The following PRIM2 variants were observed in gnomAD, a reference collection of about 807,000 sequenced individuals.
PRIM2 encodes the protein DNA primase subunit 2, also known as DNA primase large subunit.
A neutral mutation model predicts 67.3 loss-of-function variants in PRIM2; 39 were observed. That is an observed-to-expected ratio of 0.58 (90% CI 0.45 to 0.76). The LOEUF is 0.76. PRIM2 is among the 30% of genes least tolerant of loss of function. The probability of loss-of-function intolerance (pLI) is 0.00; values close to 1 mark genes in which losing one functional copy is unlikely to be tolerated. For missense variants in PRIM2, 398 were observed against 598.7 expected, an observed-to-expected ratio of 0.66 and a Z score of 3.50; for synonymous variants, 143 against 198.7, an observed-to-expected ratio of 0.72 and a Z score of 2.36.
At chr6:57,272,789 G>A in the PRIM2 span, among the ~76,000 whole-genome samples, 4 of 152,146 alleles carry the variant, frequency 2.6e-5, 1 homozygote, top group Admixed American at 1.3e-4. Flanking sequence ...CATGTTTAGT[G>A]CTTCCTTCAG....
At chr6:57,467,876 A>T (rs1355553062) in intron 7 of PRIM2, among the ~76,000 whole-genome samples, 1 of 152,102 alleles carries the variant, frequency 6.6e-6, no homozygotes, top group African/African-American at 2.4e-5. Flanking sequence ...TAGGTATTTA[A>T]TTCTCTTTGT....
In PRIM2 at chr6:57,472,323, G is replaced by C. The variant is rs1309555529; in HGVS notation, c.694-35064G>C. Among the ~76,000 whole-genome samples, 6 of 151,898 alleles carry C rather than the reference G, an allele frequency of 4.0e-5. No homozygotes were observed. In the East Asian group the frequency reaches 1.2e-3, roughly 29 times the overall value. Reference sequence around the variant, plus strand: ...TGGGCTCCTGTAATACCAGCTACTCGGGAGGCTGAGGCAGGAGAATCGCTT... The same window carrying C: ...TGGGCTCCTGTAATACCAGCTACTCCGGAGGCTGAGGCAGGAGAATCGCTT... On this transcript the variant is annotated intron_variant, in intron 7 of 13. Transcript: ENST00000615550.
intron 13 of PRIM2, among the ~76,000 whole-genome samples, chr6:57,643,785 A>G (rs1777288130): frequency 1.3e-5 from 2 of 152,228 alleles, no homozygotes; most frequent in Admixed American, 1.3e-4. Flanking sequence ...AAAGATAAAA[A>G]TTTGTTCTTA....
Position 57,593,026 on chromosome 6 carries a change from G to C in PRIM2, c.1021-8067G>C, listed in dbSNP as rs1406191501. ...GAAAGAGGCTCTGAGAACAGGGTTG[G>C]AACTGGATAAAGGTGTGCCTGCTTT... On this transcript the variant is annotated intron_variant, in intron 10 of 13. Coordinates refer to ENST00000615550, the MANE Select transcript of PRIM2 (RefSeq NM_000947.5). Among the ~76,000 whole-genome samples the C allele has an allele frequency of 7.3e-3, 1,115 of 152,234 alleles. 14 individuals are homozygous for C. The highest frequency in any genetic ancestry group is 0.026 in the African/African-American group (1,062 of 41,532).
At chr6:57,610,623 G>A (rs1776650860) in intron 12 of PRIM2, among the ~76,000 whole-genome samples, 2 of 151,382 alleles carry the variant, frequency 1.3e-5, no homozygotes, top group Admixed American at 6.6e-5. Flanking sequence ...TCTCCTCCCC[G>A]AAAAGAGAAA....
intron 10 of PRIM2, among the ~76,000 whole-genome samples, chr6:57,576,543 G>T (rs1775967066): frequency 6.6e-6 from 1 of 152,112 alleles, no homozygotes; most frequent in African/African-American, 2.4e-5. Flanking sequence ...GTTACATTTG[G>T]TTATGAGAAA....
At chr6:57,551,056 T>C (rs1184914837) in intron 10 of PRIM2, among the ~76,000 whole-genome samples, 2 of 152,226 alleles carry the variant, frequency 1.3e-5, no homozygotes, top group Admixed American at 6.5e-5. Context: ...TGTTTTTACT[T>C]AAAAAATTAC....
chr6:57,272,297 A>C, the PRIM2 span, among the ~76,000 whole-genome samples: 7 of 152,174 alleles, frequency 4.6e-5, no homozygotes, highest in East Asian at 1.3e-3. Context: ...TTGCTTTATG[A>C]ATCTGGGTGC....
chr6:57,627,677 G>A (rs1221646256), intron 12 of PRIM2, among the ~76,000 whole-genome samples: 177 of 152,172 alleles, frequency 1.2e-3, no homozygotes, highest in African/African-American at 3.1e-3. Context: ...GTGAGCCACC[G>A]TGCCCGTCCA....
chr6:57,623,442 A>C (rs1369836191), intron 12 of PRIM2, among the ~76,000 whole-genome samples: 2 of 152,174 alleles, frequency 1.3e-5, no homozygotes, highest in Non-Finnish European at 2.9e-5. Flanking sequence ...ATTGCATTCA[A>C]ATGGAAAACA....
intron 7 of PRIM2, among the ~76,000 whole-genome samples, chr6:57,422,706 C>CT (rs5876557): frequency 0.071 from 10,586 of 148,056 alleles, 710 homozygotes; most frequent in African/African-American, 0.18. Flanking sequence ...TGATGGAATT[C>CT]TTTTTTTTTT....
chr6:57,304,171 T>C, the PRIM2 span, among the ~76,000 whole-genome samples: 1 of 151,912 alleles, frequency 6.6e-6, no homozygotes, highest in Non-Finnish European at 1.5e-5. Context: ...AACACAGTCA[T>C]CCAGACAACC....
intron 7 of PRIM2, among the ~76,000 whole-genome samples, chr6:57,395,056 C>T (rs1037196786): frequency 2.8e-4 from 42 of 151,976 alleles, no homozygotes; most frequent in Non-Finnish European, 4.4e-4. Context: ...TTGTTGTATT[C>T]GGTTAGCTAG....
chr6:57,253,289 A>G, the PRIM2 span, among the ~76,000 whole-genome samples: 1 of 152,212 alleles, frequency 6.6e-6, no homozygotes, highest in Non-Finnish European at 1.5e-5. Context: ...CCATTTAGAG[A>G]ATGATCTCAG....
At chr6:57,503,114 A>G (rs1245463317) in intron 7 of PRIM2, among the ~76,000 whole-genome samples, 1 of 152,216 alleles carries the variant, frequency 6.6e-6, no homozygotes, top group Non-Finnish European at 1.5e-5. Context: ...AAACTTAGTG[A>G]GTACATATTG....
chr6:57,347,743 C>T (rs957165381), intron 5 of PRIM2, among the ~76,000 whole-genome samples: 12 of 123,678 alleles, frequency 9.7e-5, no homozygotes, highest in Non-Finnish European at 2.1e-4. Flanking sequence ...TGTGACCAGC[C>T]AGGTTTATGT....
At chr6:57,373,629 T>C (rs80215456) in intron 5 of PRIM2, among the ~76,000 whole-genome samples, 2 of 152,222 alleles carry the variant, frequency 1.3e-5, no homozygotes, top group Non-Finnish European at 2.9e-5. Flanking sequence ...TTGTATATGG[T>C]ATAAGGACAG....
intron 11 of PRIM2, among the ~76,000 whole-genome samples, chr6:57,602,123 G>C (rs1470848577): frequency 2.0e-5 from 3 of 150,628 alleles, no homozygotes; most frequent in Admixed American, 2.0e-4. Flanking sequence ...GCAATGGCGC[G>C]ATCTCGGCTC....
intron 5 of PRIM2, among the ~76,000 whole-genome samples, chr6:57,377,501 A>G (rs1271452146): frequency 2.7e-5 from 4 of 146,330 alleles, no homozygotes; most frequent in Non-Finnish European, 6.0e-5. Context: ...TTTTTTTTTC[A>G]TTGGCCTGGG....
Sources: allele counts gnomAD v4.1 joint callset (sites outside exome capture counted in the v4.1 genomes callset), GRCh38; gene constraint gnomAD v4.1.1; transcripts MANE v1.5; gene names NCBI Gene and HGNC (gene_info 2026-07-23, HGNC 2026-07-21).